LRP12: variants seen among roughly 807,000 people sequenced by gnomAD.
LRP12 encodes the protein low-density lipoprotein receptor-related protein 12.
LRP12 carries 14 observed loss-of-function variants against 66.0 expected under a neutral mutation model. The ratio of observed to expected loss-of-function variants is 0.21; its 90% CI spans 0.14 to 0.33. The LOEUF is 0.33. Among genes scored for constraint, LRP12 ranks in the 10% least tolerant of loss-of-function variants. The pLI is 1.00. For synonymous variants in LRP12, 357 were observed against 359.1 expected (o/e 0.99, Z 0.07); for missense variants, 889 against 1,053.4 (o/e 0.84, Z 2.16).
chr8:104,494,177 T>C (rs1034533712), intron 6 of LRP12, among the ~76,000 whole-genome samples: 3 of 152,172 alleles, frequency 2.0e-5, no homozygotes, highest in Admixed American at 1.3e-4. Flanking sequence ...ACTTTCCCCA[T>C]AGCAGGGCTG....
intron 1 of LRP12, among the ~76,000 whole-genome samples, chr8:104,565,274 G>A (rs1811980327): frequency 6.6e-6 from 1 of 152,016 alleles, no homozygotes. Context: ...CAGATAAAAT[G>A]GTCCGCCAAA....
chr8:104,491,323 G>A lies in LRP12; in HGVS notation c.1930C>T (p.His644Tyr). The A allele has an allele frequency of 1.3e-5, 21 of 1,614,134 alleles. No individual in the cohort carries two copies. Among genetic ancestry groups the A allele is most frequent in the Non-Finnish European group, 1.8e-5 (21 of 1,180,018 alleles). The change falls in exon 7 of 7, where the codon CAC becomes TAC. Residue 644 changes from histidine (H) to tyrosine (Y), a missense_variant. Physicochemically the swap from His to Tyr is moderately conservative, Grantham distance 83 (BLOSUM62 2). Coordinates refer to ENST00000276654, the MANE Select transcript of LRP12 (RefSeq NM_013437.5). ...GACTCCACGGAAAACAAACTTCTGT[G>A]AGTATGATTTCTCTCAGGTTCTCTA... ...TSREPERNHT[H>Y]RSLFSVESDD...
intron 3 of LRP12, 28 bp from the exon 4 acceptor site, chr8:104,499,547 A>G: frequency 6.5e-7 from 1 of 1,538,364 alleles, no homozygotes; most frequent in South Asian, 1.2e-5. Context: ...AATGTCTATT[A>G]AAAAGTCAAT....
chr8:104,490,846 CT>C lies in LRP12; in HGVS notation c.2406del (p.Gly803AspfsTer15), dbSNP rs1207295831. 4 of 1,613,992 alleles carry C rather than the reference CT, an allele frequency of 2.5e-6. No individual in the cohort carries two copies. The highest frequency in any genetic ancestry group is 3.4e-6 in the Non-Finnish European group (4 of 1,180,034). On this transcript the variant is annotated frameshift_variant, in exon 7 of 7. Coordinates refer to ENST00000276654, the MANE Select transcript of LRP12 (RefSeq NM_013437.5). LOFTEE classifies it high-confidence loss of function. ...SRPLLDLASD[Q>X]GQGLRQPYNA... ...TTATATGGTTGTCTAAGCCCTTGTC[CT>C]TGATCTGAGGCAAGATCAAGAAGAG...
intron 3 of LRP12, chr8:104,506,650 A>G (rs1007234380): frequency 5.3e-5 from 8 of 152,074 alleles, no homozygotes; most frequent in Non-Finnish European, 1.2e-4. Flanking sequence ...GGTTGGTGGA[A>G]GATTTTTCAG....
chr8:104,530,107 C>T (rs1391860520), intron 2 of LRP12, among the ~76,000 whole-genome samples: 2 of 152,098 alleles, frequency 1.3e-5, no homozygotes, highest in South Asian at 2.1e-4. Flanking sequence ...AACCATACTA[C>T]ATATTGATGT....
intron 5 of LRP12, among the ~76,000 whole-genome samples, chr8:104,496,616 G>A (rs1424229909): frequency 6.6e-5 from 10 of 151,990 alleles, no homozygotes; most frequent in Non-Finnish European, 1.3e-4. Context: ...TTACCTGTAT[G>A]CTTTGAACAT....
intron 1 of LRP12, among the ~76,000 whole-genome samples, chr8:104,545,936 T>A (rs1319979652): frequency 6.6e-6 from 1 of 152,188 alleles, no homozygotes; most frequent in East Asian, 1.9e-4. Flanking sequence ...ATAACACTTC[T>A]GCAAAGTAAC....
chr8:104,507,052 GTTAAT>G (rs948982421), intron 3 of LRP12: 68 of 152,144 alleles, frequency 4.5e-4, no homozygotes, highest in African/African-American at 1.6e-3. Flanking sequence ...TACATGGTAA[GTTAAT>G]TTAATATTTC....
chr8:104,585,784 C>T (rs192242146), intron 1 of LRP12, among the ~76,000 whole-genome samples: 1 of 152,218 alleles, frequency 6.6e-6, no homozygotes, highest in Admixed American at 6.5e-5. Context: ...AGTTAGGAAA[C>T]ACTAATCTGG....
intron 1 of LRP12, among the ~76,000 whole-genome samples, chr8:104,546,192 T>C (rs1811553831): frequency 6.6e-6 from 1 of 152,076 alleles, no homozygotes; most frequent in African/African-American, 2.4e-5. Context: ...TTATTAACAG[T>C]TGATGTAACT....
chr8:104,564,018 G>A (rs1716266594), intron 1 of LRP12, among the ~76,000 whole-genome samples: 1 of 152,102 alleles, frequency 6.6e-6, no homozygotes, highest in Non-Finnish European at 1.5e-5. Flanking sequence ...GTATACATCA[G>A]TCCCTGCTTG....
intron 1 of LRP12, among the ~76,000 whole-genome samples, chr8:104,551,597 G>A (rs923029595): frequency 6.6e-6 from 1 of 152,098 alleles, no homozygotes; most frequent in Non-Finnish European, 1.5e-5. Context: ...ACTTAAACGT[G>A]AGAATATGCG....
At chr8:104,531,333 A>G (rs191232237) in intron 2 of LRP12, among the ~76,000 whole-genome samples, 93 of 152,298 alleles carry the variant, frequency 6.1e-4, no homozygotes, top group African/African-American at 2.1e-3. Flanking sequence ...TTTAGTAGTT[A>G]TAAGTCTTTA....
At chr8:104,557,529 T>TG (rs1554710566) in intron 1 of LRP12, among the ~76,000 whole-genome samples, 19 of 134,378 alleles carry the variant, frequency 1.4e-4, no homozygotes, top group Admixed American at 3.0e-4. Context: ...TTGCAATAGC[T>TG]AAAAAAAAAA....
At chr8:104,566,952 T>C (rs938923731) in intron 1 of LRP12, among the ~76,000 whole-genome samples, 2 of 151,798 alleles carry the variant, frequency 1.3e-5, no homozygotes, top group Middle Eastern at 3.2e-3. Flanking sequence ...AAGCAAAATG[T>C]AAATATATAA....
chr8:104,532,701 T>C (rs1392677197), intron 1 of LRP12, among the ~76,000 whole-genome samples: 1 of 152,114 alleles, frequency 6.6e-6, no homozygotes, highest in Non-Finnish European at 1.5e-5. Flanking sequence ...TCTTTCATGG[T>C]TGAGAGTGGA....
Position 104,565,588 on chromosome 8 carries a change from G to T in LRP12, c.79+23231C>A, listed in dbSNP as rs377205392. Among the ~76,000 whole-genome samples the T allele has an allele frequency of 2.6e-5, 4 of 152,134 alleles. No individual in the cohort carries two copies. In the East Asian group the frequency reaches 7.7e-4, roughly 29 times the overall value. On this transcript the variant is annotated intron_variant, in intron 1 of 6. Coordinates refer to ENST00000276654, the MANE Select transcript of LRP12 (RefSeq NM_013437.5). ...AATATATACAACCCAGGCCGGGCGC[G>T]GTGGCTCACGCCTGTAATCCCAGCA...
intron 1 of LRP12, among the ~76,000 whole-genome samples, chr8:104,557,207 G>C (rs1456187582): frequency 6.6e-6 from 1 of 152,030 alleles, no homozygotes; most frequent in East Asian, 1.9e-4. Flanking sequence ...GAACAAGATT[G>C]CGCACTTTGA....
Sources: gnomAD v4.1 joint callset for allele counts (sites outside exome capture counted in the v4.1 genomes callset) on GRCh38, gnomAD v4.1.1 for gene constraint, MANE v1.5 for transcripts, NCBI Gene and HGNC (gene_info 2026-07-23, HGNC 2026-07-21) for gene names.